The following PRIMPOL variants were observed in gnomAD, a reference collection of about 807,000 sequenced individuals.
PRIMPOL encodes DNA-directed primase/polymerase protein.
PRIMPOL carries 54 observed loss-of-function variants against 63.6 expected under a neutral mutation model. That is an observed-to-expected ratio of 0.85 (90% CI 0.68 to 1.07). PRIMPOL has a LOEUF of 1.07. Among genes scored for constraint, PRIMPOL ranks in the 50% least tolerant of loss-of-function variants. PRIMPOL has a pLI of 0.00. For synonymous variants in PRIMPOL, 197 were observed against 220.2 expected (o/e 0.89, Z 0.93); for missense variants, 610 against 648.3 (o/e 0.94, Z 0.64).
Position 184,665,944 on chromosome 4 carries a change from T to C in PRIMPOL, c.436T>C (p.Tyr146His), listed in dbSNP as rs777000692. 9 of 1,605,404 alleles carry C rather than the reference T, an allele frequency of 5.6e-6. No individual in the cohort carries two copies. The East Asian group carries it at 1.6e-4, about 28-fold the overall frequency. Residue 146 changes from tyrosine to histidine, a missense_variant, in exon 6 of 14, where the codon TAC becomes CAC. Coordinates refer to ENST00000314970, the MANE Select transcript of PRIMPOL (RefSeq NM_152683.4). Reference protein sequence around the residue: ...EYVCKALQELYGVNCSAEDVL... With the variant: ...EYVCKALQELHGVNCSAEDVL... Reference sequence around the variant, plus strand: ...TGTGTGTAAAGCACTTCAAGAGTTATACGGTGTTAATTGCTCAGCTGAAGA... The same window carrying C: ...TGTGTGTAAAGCACTTCAAGAGTTACACGGTGTTAATTGCTCAGCTGAAGA...
chr4:184,692,501 A>G (rs1456613523), intron 13 of PRIMPOL, among the ~76,000 whole-genome samples: 1 of 151,366 alleles, frequency 6.6e-6, no homozygotes. Flanking sequence ...AAAGAAAGAA[A>G]ATACATAAAA....
intron 2 of PRIMPOL, among the ~76,000 whole-genome samples, chr4:184,655,621 C>A (rs1746198222): frequency 1.3e-5 from 2 of 152,110 alleles, no homozygotes; most frequent in South Asian, 4.1e-4. Context: ...CGCCTGGCCC[C>A]CTTTCTTAAT....
chr4:184,662,576 T>A (rs907627610), intron 5 of PRIMPOL, among the ~76,000 whole-genome samples: 8 of 152,264 alleles, frequency 5.3e-5, no homozygotes, highest in East Asian at 3.9e-4. Context: ...TCAAAAAAAA[T>A]TTTCAGATTG....
chr4:184,674,434 G>A (rs895529637), intron 7 of PRIMPOL, among the ~76,000 whole-genome samples: 8 of 152,070 alleles, frequency 5.3e-5, no homozygotes, highest in African/African-American at 1.7e-4. Flanking sequence ...CTTCCGGTCC[G>A]GACCCTCCCT....
intron 7 of PRIMPOL, among the ~76,000 whole-genome samples, chr4:184,673,234 A>C (rs1752342968): frequency 6.7e-6 from 1 of 149,596 alleles, no homozygotes; most frequent in African/African-American, 2.5e-5. Flanking sequence ...GGTTCACGCC[A>C]TTCTCCTGCC....
intron 2 of PRIMPOL, among the ~76,000 whole-genome samples, chr4:184,653,758 A>G (rs1462172229): frequency 6.6e-6 from 1 of 152,158 alleles, no homozygotes; most frequent in Non-Finnish European, 1.5e-5. Context: ...CAATTATGTA[A>G]AAGAAAGACA....
chr4:184,660,926 T>G (rs1289097000), intron 4 of PRIMPOL, among the ~76,000 whole-genome samples: 1 of 152,222 alleles, frequency 6.6e-6, no homozygotes, highest in Admixed American at 6.5e-5. Flanking sequence ...ATTTAACCCA[T>G]GTCAAAGTCA....
chr4:184,667,004 A>T (rs1314006954), intron 6 of PRIMPOL, among the ~76,000 whole-genome samples: 1 of 152,202 alleles, frequency 6.6e-6, no homozygotes, highest in African/African-American at 2.4e-5. Flanking sequence ...CAGATGATTG[A>T]CTGAAGCTCA....
intron 6 of PRIMPOL, among the ~76,000 whole-genome samples, chr4:184,670,874 G>A (rs1039227012): frequency 2.0e-5 from 3 of 152,176 alleles, no homozygotes; most frequent in Non-Finnish European, 2.9e-5. Flanking sequence ...TAAATCTAAT[G>A]TGAAGAAATA....
intron 6 of PRIMPOL, among the ~76,000 whole-genome samples, chr4:184,669,979 A>G (rs1751131278): frequency 6.6e-6 from 1 of 152,240 alleles, no homozygotes; most frequent in Non-Finnish European, 1.5e-5. Context: ...GTAAGAGATC[A>G]TAGATCTTGA....
At chr4:184,688,606 G>C (rs2150159971) in intron 11 of PRIMPOL, among the ~76,000 whole-genome samples, 1 of 152,338 alleles carries the variant, frequency 6.6e-6, no homozygotes, top group East Asian at 1.9e-4. Flanking sequence ...ACCCGAGGCA[G>C]GCGTGAGCAA....
chr4:184,693,287 T>G lies in PRIMPOL; in HGVS notation c.1426-1235T>G, dbSNP rs372449638. 2.6e-4 allele frequency among the ~76,000 whole-genome samples: 39 copies of G among 152,278 alleles called. 2 individuals carry two copies. The South Asian group carries it at 8.1e-3, about 32-fold the overall frequency. ...AGTAAATTTTAAAAAATAAACTGTC[T>G]CCAAGAGGAGGAGGATTGCATCGCC... On this transcript the variant is annotated intron_variant, in intron 13 of 13. Coordinates refer to ENST00000314970, the MANE Select transcript of PRIMPOL (RefSeq NM_152683.4).
At position 184,691,666 on chromosome 4, in the gene PRIMPOL, G is replaced by T; in HGVS notation, c.1379G>T (p.Cys460Phe). 2 of 1,612,034 alleles carry T rather than the reference G, an allele frequency of 1.2e-6. No individual in the cohort carries two copies. The highest frequency in any genetic ancestry group is 1.7e-6 in the Non-Finnish European group (2 of 1,178,466). The change falls in exon 13 of 14, where the codon TGT (cysteine) becomes TTT (phenylalanine). Residue 460 changes from cysteine (C) to phenylalanine (F), a missense_variant and splice_region_variant. By Grantham distance (205) the Cys-to-Phe change is radical. Transcript: ENST00000314970. ...VCKAENFKSD[C>F]FPLPAEVCLL... ...TAGTTTTGCTATCTTTCTGATTCAGGTTTCCCATTACCTGCTGAAGTATGT... is the reference window on the plus strand; with the variant it reads ...TAGTTTTGCTATCTTTCTGATTCAGTTTTCCCATTACCTGCTGAAGTATGT...
chr4:184,681,026 G>A (rs1755485623), intron 8 of PRIMPOL, among the ~76,000 whole-genome samples: 1 of 152,148 alleles, frequency 6.6e-6, no homozygotes, highest in South Asian at 2.1e-4. Flanking sequence ...GTAATCTCCC[G>A]ATTACCCAAT....
intron 13 of PRIMPOL, among the ~76,000 whole-genome samples, chr4:184,693,066 C>T (rs1759318157): frequency 6.6e-6 from 1 of 151,978 alleles, no homozygotes; most frequent in Non-Finnish European, 1.5e-5. Flanking sequence ...AAGAAGTTAC[C>T]TGCTACAAGC....
At chr4:184,691,345 G>T (rs575560096) in intron 11 of PRIMPOL, 154 bp from the exon 12 acceptor site, 52 of 533,522 alleles carry the variant, frequency 9.7e-5, no homozygotes, top group South Asian at 5.4e-4. Context: ...GGCAACCACC[G>T]TTTTGATTGG....
At chr4:184,687,594 A>G (rs1002535394) in intron 11 of PRIMPOL, among the ~76,000 whole-genome samples, 2 of 151,942 alleles carry the variant, frequency 1.3e-5, no homozygotes, top group African/African-American at 4.8e-5. Flanking sequence ...ATATCTCTAA[A>G]CAATATACTG....
chr4:184,660,142 G>C (rs948145967), intron 4 of PRIMPOL, among the ~76,000 whole-genome samples: 3 of 149,880 alleles, frequency 2.0e-5, no homozygotes, highest in Non-Finnish European at 4.5e-5. Context: ...TTTTGACTGA[G>C]TGATCTATTC....
At position 184,691,600 on chromosome 4, in the gene PRIMPOL, C is replaced by T; in HGVS notation, c.1378+19C>T. On this transcript the variant is annotated intron_variant, in intron 12 of 13. Coordinates refer to ENST00000314970, the MANE Select transcript of PRIMPOL (RefSeq NM_152683.4). ...TCTGACTGTAAGTTACTAATTTTTA[C>T]ATTTACCACAAAGTAAAAATTAGAT... 1.2e-6 allele frequency: 2 copies of T among 1,600,878 alleles called. No individual in the cohort carries two copies. The highest frequency in any genetic ancestry group is 1.7e-6 in the Non-Finnish European group (2 of 1,168,960).
Sources: gnomAD v4.1 joint callset for allele counts (sites outside exome capture counted in the v4.1 genomes callset) on GRCh38, gnomAD v4.1.1 for gene constraint, MANE v1.5 for transcripts, NCBI Gene and HGNC (gene_info 2026-07-23, HGNC 2026-07-21) for gene names.